Variants in MAP2 observed in about 807,000 individuals in gnomAD.
The protein encoded by MAP2 is microtubule associated protein 2.
A neutral mutation model predicts 137.6 loss-of-function variants in MAP2; 14 were observed. The ratio of observed to expected loss-of-function variants is 0.10; its 90% CI spans 0.07 to 0.16. The LOEUF (loss-of-function observed/expected upper bound fraction) is 0.16, where lower values mean the gene tolerates loss of function less well. Ranked by LOEUF, MAP2 falls within the 10% of genes least tolerant of loss-of-function variation. The pLI is 1.00. For missense variants in MAP2, 2,088 were observed against 2,191.5 expected, an observed-to-expected ratio of 0.95 and a Z score of 0.94; for synonymous variants, 786 against 782.3, an observed-to-expected ratio of 1.00 and a Z score of -0.08.
chr2:209,531,895 A>C lies in MAP2; in HGVS notation c.-172+24254A>C, dbSNP rs138199348. Among the ~76,000 whole-genome samples the C allele has an allele frequency of 2.2e-3, 342 of 152,230 alleles. 1 individual carries two copies. The highest frequency in any genetic ancestry group is 7.5e-3 in the African/African-American group (310 of 41,546). ...AGGTGTCTTTAAATAATGTTTTCTAAAATACTATAATATAAATGTTGATTT... is the reference window on the plus strand; with the variant it reads ...AGGTGTCTTTAAATAATGTTTTCTACAATACTATAATATAAATGTTGATTT... On this transcript the variant is annotated intron_variant, in intron 2 of 15. Coordinates refer to ENST00000682079, the MANE Select transcript of MAP2 (RefSeq NM_001375505.1).
rs528114943 is a variant in MAP2, at chr2:209,429,494, T to C, written c.-222+5218T>C. 1.2e-4 allele frequency among the ~76,000 whole-genome samples: 19 copies of C among 152,310 alleles called. No individual in the cohort carries two copies. The South Asian group carries it at 3.9e-3, about 32-fold the overall frequency. The stretch of plus-strand genomic sequence containing the variant: ...ACCTATTAAGTGAAGTATGAACTAC[T>C]CTATGAGCAATCAGTAAATGTTGAA... On this transcript the variant is annotated intron_variant, in intron 1 of 15. Coordinates refer to ENST00000682079, the MANE Select transcript of MAP2 (RefSeq NM_001375505.1).
intron 2 of MAP2, among the ~76,000 whole-genome samples, chr2:209,525,600 C>G (rs761556042): frequency 2.0e-5 from 3 of 152,232 alleles, no homozygotes; most frequent in Non-Finnish European, 2.9e-5. Flanking sequence ...AATTCTGCCT[C>G]TGGAAAAAGA....
Position 209,541,323 on chromosome 2 carries a change from G to A in MAP2, c.-172+33682G>A, listed in dbSNP as rs1045405842. Among the ~76,000 whole-genome samples the A allele has an allele frequency of 4.0e-5, 6 of 151,204 alleles. 1 individual carries two copies. The highest frequency in any genetic ancestry group is 2.1e-4 in the South Asian group (1 of 4,830). ...GGGATTACAGTCATGAGCCACCCGCGCCTGGCCCTAATGATCATTTAAGCT... is the reference window on the plus strand; with the variant it reads ...GGGATTACAGTCATGAGCCACCCGCACCTGGCCCTAATGATCATTTAAGCT... On this transcript the variant is annotated intron_variant, in intron 2 of 15. Coordinates refer to ENST00000682079, the MANE Select transcript of MAP2 (RefSeq NM_001375505.1).
At chr2:209,424,527 G>T (rs1691984524) in intron 1 of MAP2, among the ~76,000 whole-genome samples, 1 of 152,332 alleles carries the variant, frequency 6.6e-6, no homozygotes, top group Middle Eastern at 3.4e-3. Flanking sequence ...GTAGAAGAGC[G>T]AGTGAGCTTG....
At chr2:209,518,610 A>G (rs931703152) in intron 2 of MAP2, among the ~76,000 whole-genome samples, 1 of 151,900 alleles carries the variant, frequency 6.6e-6, no homozygotes, top group East Asian at 1.9e-4. Flanking sequence ...TTTCCCTACA[A>G]ATATTTGTTG....
At chr2:209,729,250 A>G (rs1487509328) in intron 14 of MAP2, among the ~76,000 whole-genome samples, 1 of 152,226 alleles carries the variant, frequency 6.6e-6, no homozygotes, top group African/African-American at 2.4e-5. Context: ...GAAAGAGATG[A>G]TGATCTGTCA....
chr2:209,722,056 G>A (rs760347355), intron 13 of MAP2: 2 of 152,166 alleles, frequency 1.3e-5, no homozygotes, highest in Admixed American at 1.3e-4. Context: ...ATTTCTCTGT[G>A]AGGTTTTACA....
intron 1 of MAP2, among the ~76,000 whole-genome samples, chr2:209,461,283 A>G (rs1702743575): frequency 6.6e-6 from 1 of 152,198 alleles, no homozygotes; most frequent in African/African-American, 2.4e-5. Context: ...AAAATTTGAA[A>G]TTTAGTTACT....
At chr2:209,437,103 C>G (rs1215161925) in intron 1 of MAP2, among the ~76,000 whole-genome samples, 1 of 151,620 alleles carries the variant, frequency 6.6e-6, no homozygotes, top group Non-Finnish European at 1.5e-5. Context: ...CAACTGAAAT[C>G]ATTTTCTCAA....
intron 1 of MAP2, among the ~76,000 whole-genome samples, chr2:209,459,685 A>G (rs1164934812): frequency 6.6e-6 from 1 of 152,166 alleles, no homozygotes; most frequent in African/African-American, 2.4e-5. Flanking sequence ...TGCCTTAGAG[A>G]ACAATCACAT....
chr2:209,718,272 CAA>C (rs2068591711), intron 13 of MAP2, among the ~76,000 whole-genome samples: 1 of 152,112 alleles, frequency 6.6e-6, no homozygotes, highest in Admixed American at 6.5e-5. Context: ...ACAAGCCAAA[CAA>C]AGACACAGGA....
chr2:209,611,783 C>T (rs886130034), intron 3 of MAP2, among the ~76,000 whole-genome samples: 4 of 152,078 alleles, frequency 2.6e-5, no homozygotes, highest in Non-Finnish European at 5.9e-5. Flanking sequence ...CCAAGCACAA[C>T]TGTCTGACAC....
At position 209,694,031 on chromosome 2, in the gene MAP2, C is replaced by G; in HGVS notation, c.1861C>G (p.Gln621Glu). The G allele has an allele frequency of 6.2e-7, 1 of 1,613,742 alleles. No homozygotes were observed. Among genetic ancestry groups the G allele is most frequent in the Non-Finnish European group, 8.5e-7 (1 of 1,179,910 alleles). Residue 621 changes from glutamine (Q) to glutamate (E), a missense_variant, in exon 8 of 16, where the codon CAA becomes GAA. Physicochemically the swap from Gln to Glu is conservative, Grantham distance 29. Transcript: ENST00000682079. The part of the protein sequence containing the change: ...PMHKNGDKEF[Q>E]TGKESQPSPP... ...GCATAAAAATGGTGACAAGGAGTTTCAAACAGGAAAAGAATCCCAGCCCAG... is the reference window on the plus strand; with the variant it reads ...GCATAAAAATGGTGACAAGGAGTTTGAAACAGGAAAAGAATCCCAGCCCAG...
At chr2:209,600,398 T>C (rs114807502) in intron 3 of MAP2, among the ~76,000 whole-genome samples, 76 of 152,336 alleles carry the variant, frequency 5.0e-4, no homozygotes, top group African/African-American at 1.8e-3. Context: ...TGCAGATTTG[T>C]CCAAGCCTTT....
In MAP2 at chr2:209,480,524, T is replaced by A. The variant is rs546538457; in HGVS notation, c.-221-27068T>A. Among the ~76,000 whole-genome samples the A allele has an allele frequency of 3.5e-5, 5 of 141,322 alleles. No homozygotes were observed. In the Admixed American group the frequency reaches 3.8e-4, roughly 11 times the overall value. The allele number at this position is 141,322 out of a possible 152,430, so 92.7% of individuals were successfully genotyped here. A position where few individuals can be genotyped will look rare whatever the true frequency, so the allele number is the denominator to read the frequency against. ...ATTGTTTTCCTTAGTAACTTGCAAT[T>A]AAGATGATCTAAAGTTTGTTTGTTT... On this transcript the variant is annotated intron_variant, in intron 1 of 15. Coordinates refer to ENST00000682079, the MANE Select transcript of MAP2 (RefSeq NM_001375505.1).
chr2:209,680,812 G>T lies in MAP2; in HGVS notation c.439G>T (p.Val147Phe). 6.2e-7 allele frequency: 1 copy of T among 1,613,494 alleles called. No individual in the cohort carries two copies. The highest frequency in any genetic ancestry group is 8.5e-7 in the Non-Finnish European group (1 of 1,179,590). The change falls in exon 7 of 16, where the codon GTC becomes TTC. Residue 147 changes from valine (V) to phenylalanine (F), a missense_variant. Coordinates refer to ENST00000682079, the MANE Select transcript of MAP2 (RefSeq NM_001375505.1). Reference protein sequence around the residue: ...PPPSPASEQTVTVEEDLLTAS... With the variant: ...PPPSPASEQTFTVEEDLLTAS... ...CCCATCACCTGCCTCAGAACAGACT[G>T]TCACAGTGGAGGAAGGTAAGGCCTA...
chr2:209,507,541 AG>A (rs2061227713), intron 1 of MAP2, 50 bp from the exon 2 acceptor site: 1 of 152,148 alleles, frequency 6.6e-6, no homozygotes, highest in East Asian at 1.9e-4. Context: ...AGAAAAAGCC[AG>A]ATTGTTCAAC....
chr2:209,709,883 G>A (rs1014669285), intron 12 of MAP2, 31 bp from the exon 13 acceptor site: 2 of 1,520,428 alleles, frequency 1.3e-6, no homozygotes, highest in African/African-American at 1.4e-5. Context: ...GTCTGACTCT[G>A]GTTTGGTTTT....
At position 209,724,227 on chromosome 2, in the gene MAP2, A is replaced by C. The variant is rs146145759; in HGVS notation, c.5074-1482A>C. ...TTATAATTCAAAGTGAAAGGATTCA[A>C]GTCCAGTGTACACTTTAGCTTGATG... On this transcript the variant is annotated intron_variant, in intron 13 of 15. Coordinates refer to ENST00000682079, the MANE Select transcript of MAP2 (RefSeq NM_001375505.1). Among the ~76,000 whole-genome samples the C allele has an allele frequency of 4.0e-3, 603 of 152,318 alleles. 6 individuals carry two copies. Among genetic ancestry groups the C allele is most frequent in the African/African-American group, 0.014 (567 of 41,570 alleles).
Sources: allele counts gnomAD v4.1 joint callset (sites outside exome capture counted in the v4.1 genomes callset), GRCh38; gene constraint gnomAD v4.1.1; transcripts MANE v1.5; gene names NCBI Gene and HGNC (gene_info 2026-07-23, HGNC 2026-07-21).